SYNPR: variants seen among roughly 807,000 people sequenced by gnomAD.
The protein encoded by SYNPR is synaptoporin.
Under a neutral mutation model 32.9 loss-of-function variants are expected in SYNPR, and 23 were observed. The observed-to-expected ratio is 0.70, with a 90% CI of 0.50 to 0.99. The LOEUF is 0.99. Among genes scored for constraint, SYNPR ranks in the 50% least tolerant of loss-of-function variants. The pLI is 0.00. For missense variants in SYNPR, 318 were observed against 349.3 expected (o/e 0.91, Z 0.71); for synonymous variants, 146 against 135.9 (o/e 1.07, Z -0.52).
Position 63,286,717 on chromosome 3 carries a change from G to T in SYNPR, c.84+7975G>T, listed in dbSNP as rs78574431. Among the ~76,000 whole-genome samples the T allele has an allele frequency of 1.1e-3, 175 of 152,268 alleles. 2 individuals are homozygous for T. The highest frequency in any genetic ancestry group is 4.1e-3 in the African/African-American group (170 of 41,554). On this transcript the variant is annotated intron_variant, in intron 2 of 5. Coordinates refer to ENST00000478300, the MANE Select transcript of SYNPR (RefSeq NM_001130003.2). The stretch of plus-strand genomic sequence containing the variant: ...GATGTATTTGACTTTTGTTGTATTT[G>T]TTATTATTCCTGTTCAATGTACTAG...
At chr3:63,416,329 G>C (rs13064860) in intron 2 of SYNPR, among the ~76,000 whole-genome samples, 15,555 of 152,108 alleles carry the variant, frequency 0.1, 962 homozygotes, top group South Asian at 0.19. Context: ...TTCGGAGCTT[G>C]AGACTAGGTT....
chr3:63,362,277 G>C (rs141437075), intron 2 of SYNPR, among the ~76,000 whole-genome samples: 1 of 152,288 alleles, frequency 6.6e-6, no homozygotes, highest in African/African-American at 2.4e-5. Flanking sequence ...ATCAGATTTG[G>C]TGTGTTTTGT....
At chr3:63,362,724 A>G (rs1286989373) in intron 2 of SYNPR, among the ~76,000 whole-genome samples, 1 of 152,158 alleles carries the variant, frequency 6.6e-6, no homozygotes, top group African/African-American at 2.4e-5. Flanking sequence ...GGTATTAGGA[A>G]AGGCTTCCAT....
intron 3 of SYNPR, among the ~76,000 whole-genome samples, chr3:63,541,812 A>G (rs1483915829): frequency 6.6e-6 from 1 of 152,140 alleles, no homozygotes; most frequent in African/African-American, 2.4e-5. Flanking sequence ...TCAGAAAAGA[A>G]TGCTTTTCAA....
At chr3:63,451,227 C>T (rs17068589) in intron 2 of SYNPR, among the ~76,000 whole-genome samples, 17,068 of 152,074 alleles carry the variant, frequency 0.11, 1,526 homozygotes, top group East Asian at 0.29. Context: ...TTATTTTCTT[C>T]CTCTGTAAGT....
chr3:63,262,116 A>AC (rs1208210453), intron 2 of SYNPR, among the ~76,000 whole-genome samples: 6 of 151,792 alleles, frequency 4.0e-5, no homozygotes, highest in South Asian at 2.1e-4. Flanking sequence ...ACAAAAAAAA[A>AC]ACCATTTTAC....
At chr3:63,553,934 T>TGGTCTC (rs1420558631) in intron 3 of SYNPR, among the ~76,000 whole-genome samples, 4 of 152,148 alleles carry the variant, frequency 2.6e-5, no homozygotes, top group African/African-American at 9.7e-5. Context: ...TTGGTCAGGC[T>TGGTCTC]GGTCTCGATC....
chr3:63,438,850 G>T (rs1263617288), intron 2 of SYNPR, among the ~76,000 whole-genome samples: 2 of 152,210 alleles, frequency 1.3e-5, no homozygotes, highest in African/African-American at 4.8e-5. Flanking sequence ...AAATGGAAGA[G>T]GCTTGGCTAA....
At chr3:63,595,313 A>G (rs1370904135) in intron 4 of SYNPR, among the ~76,000 whole-genome samples, 1 of 151,764 alleles carries the variant, frequency 6.6e-6, no homozygotes, top group African/African-American at 2.4e-5. Flanking sequence ...TGGCTTGACC[A>G]CTCTTACCCC....
At chr3:63,448,570 A>T (rs1440537585) in intron 2 of SYNPR, among the ~76,000 whole-genome samples, 2 of 152,216 alleles carry the variant, frequency 1.3e-5, no homozygotes, top group Non-Finnish European at 2.9e-5. Flanking sequence ...AACCTGTGAC[A>T]TTCAAACTAC....
At chr3:63,496,736 A>G (rs1036608295) in intron 3 of SYNPR, among the ~76,000 whole-genome samples, 1 of 152,142 alleles carries the variant, frequency 6.6e-6, no homozygotes, top group East Asian at 1.9e-4. Flanking sequence ...GCCAAAAAAA[A>G]TTTAAGAAGA....
intron 2 of SYNPR, among the ~76,000 whole-genome samples, chr3:63,385,796 T>A (rs2088032870): frequency 6.6e-6 from 1 of 152,180 alleles, no homozygotes; most frequent in South Asian, 2.1e-4. Flanking sequence ...AGTATGCTGT[T>A]TACGCTTCTG....
At chr3:63,485,401 A>G (rs1701127856) in intron 3 of SYNPR, among the ~76,000 whole-genome samples, 1 of 152,152 alleles carries the variant, frequency 6.6e-6, no homozygotes, top group Non-Finnish European at 1.5e-5. Context: ...AGAAAACTTT[A>G]TGTATGCTAC....
intron 2 of SYNPR, among the ~76,000 whole-genome samples, chr3:63,356,470 G>A (rs1348148280): frequency 1.3e-5 from 2 of 152,180 alleles, no homozygotes; most frequent in Non-Finnish European, 2.9e-5. Flanking sequence ...ACCCTATTAA[G>A]ATTCTGTTGT....
intron 2 of SYNPR, among the ~76,000 whole-genome samples, chr3:63,452,712 C>G (rs574648037): frequency 1.6e-4 from 24 of 152,146 alleles, no homozygotes; most frequent in African/African-American, 5.3e-4. Flanking sequence ...GCCACTAGTC[C>G]AAAGCCACAC....
intron 2 of SYNPR, among the ~76,000 whole-genome samples, chr3:63,454,154 C>A (rs534728288): frequency 2.0e-4 from 31 of 152,010 alleles, no homozygotes; most frequent in Admixed American, 3.3e-4. Context: ...AAATGAGGGA[C>A]AGAAAATGTT....
At chr3:63,444,621 A>G (rs927697966) in intron 2 of SYNPR, among the ~76,000 whole-genome samples, 20 of 152,148 alleles carry the variant, frequency 1.3e-4, no homozygotes, top group African/African-American at 4.8e-4. Context: ...TCGTAGGCAT[A>G]GATTTTTTTC....
chr3:63,390,964 A>G (rs2088125262), intron 2 of SYNPR, among the ~76,000 whole-genome samples: 1 of 152,232 alleles, frequency 6.6e-6, no homozygotes, highest in East Asian at 1.9e-4. Context: ...TCCCAGCTGG[A>G]TACCCAATGC....
chr3:63,575,831 C>T (rs986850627), intron 4 of SYNPR, among the ~76,000 whole-genome samples: 4 of 152,128 alleles, frequency 2.6e-5, no homozygotes, highest in Non-Finnish European at 2.9e-5. Flanking sequence ...TTTTCCAAGC[C>T]TACACACTTT....
Sources: gnomAD v4.1 joint callset for allele counts (sites outside exome capture counted in the v4.1 genomes callset) on GRCh38, gnomAD v4.1.1 for gene constraint, MANE v1.5 for transcripts, NCBI Gene and HGNC (gene_info 2026-07-23, HGNC 2026-07-21) for gene names.